The following SAMD3 variants were observed in gnomAD, a reference collection of about 807,000 sequenced individuals.
The protein encoded by SAMD3 is sterile alpha motif domain containing 3.
A neutral mutation model predicts 58.5 loss-of-function variants in SAMD3; 63 were observed. The ratio of observed to expected loss-of-function variants is 1.08; its 90% CI spans 0.88 to 1.33. The LOEUF is 1.33. SAMD3 is among the 40% of genes most tolerant of loss of function. The pLI is 0.00. For missense variants in SAMD3, 604 were observed against 608.4 expected (o/e 0.99, Z 0.08); for synonymous variants, 220 against 210.3 (o/e 1.05, Z -0.40).
chr6:130,283,539 T>A (rs913246365), intron 2 of SAMD3, among the ~76,000 whole-genome samples: 1 of 152,182 alleles, frequency 6.6e-6, no homozygotes, highest in Non-Finnish European at 1.5e-5. Context: ...ACAAAAATTA[T>A]GCTGTCACAT....
chr6:130,329,043 C>CCTCT lies in SAMD3; in HGVS notation c.-303-15954_-303-15951dup, dbSNP rs10679349. On this transcript the variant is annotated intron_variant, in intron 1 of 13. Transcript: ENST00000368134. ...GTGTAGACCAATATCTCTCTCTCTCCCTCTCTCTCTCTCTCTCTCTCTTAT... is the reference window on the plus strand; with the variant it reads ...GTGTAGACCAATATCTCTCTCTCTCCCTCTCTCTCTCTCTCTCTCTCTCTCTTAT... Among the ~76,000 whole-genome samples the CCTCT allele has an allele frequency of 3.9e-3, 568 of 147,072 alleles. 4 individuals are homozygous for CCTCT. The highest frequency in any genetic ancestry group is 0.012 in the African/African-American group (486 of 40,242).
chr6:130,186,767 A>ATTTTTTTTTTTTTTTTTTT (rs35592601), intron 5 of SAMD3, among the ~76,000 whole-genome samples: 1 of 107,036 alleles, frequency 9.3e-6, no homozygotes, highest in Non-Finnish European at 1.8e-5. Flanking sequence ...CCTTCCTGGG[A>ATTTTTTTTTTTTTTTTTTT]TTTTTTTTTT....
chr6:130,294,909 A>ATTTTTTTTT lies in SAMD3; in HGVS notation c.-188+18060_-188+18068dup, dbSNP rs774036634. 5.3e-4 allele frequency among the ~76,000 whole-genome samples: 30 copies of ATTTTTTTTT among 56,164 alleles called. 1 individual carries two copies. The highest frequency in any genetic ancestry group is 8.1e-4 in the East Asian group (2 of 2,464). 36.8% of individuals were successfully genotyped at this position (56,164 alleles called of 152,430 possible). A position where few individuals can be genotyped will look rare whatever the true frequency, so the allele number is the denominator to read the frequency against. Reference sequence around the variant, plus strand: ...TCTAATTTTTCCATACATTTCTCTGATTTTTTTTTTTTTTTTTTTTTTTTT... The same window carrying ATTTTTTTTT: ...TCTAATTTTTCCATACATTTCTCTGATTTTTTTTTTTTTTTTTTTTTTTTTTTTTTTTTT... On this transcript the variant is annotated intron_variant, in intron 2 of 13. Coordinates refer to the SAMD3 transcript ENST00000368134.
chr6:130,269,077 A>C (rs778114267), intron 2 of SAMD3, among the ~76,000 whole-genome samples: 11 of 152,126 alleles, frequency 7.2e-5, no homozygotes, highest in Non-Finnish European at 1.0e-4. Context: ...TTATTCTTAA[A>C]TTCTTATACT....
intron 2 of SAMD3, among the ~76,000 whole-genome samples, chr6:130,263,429 C>T (rs1009032250): frequency 3.6e-4 from 55 of 152,098 alleles, no homozygotes; most frequent in African/African-American, 1.3e-3. Flanking sequence ...GAGCCAGCCT[C>T]AGAAGGACCC....
intron 1 of SAMD3, among the ~76,000 whole-genome samples, chr6:130,337,047 C>G (rs1439445177): frequency 6.6e-6 from 1 of 152,156 alleles, no homozygotes; most frequent in African/African-American, 2.4e-5. Context: ...TCAGCAGTAC[C>G]GTTTGCACTG....
In SAMD3 at chr6:130,311,532, G is replaced by A. The variant is rs1352133583; in HGVS notation, c.-188+1446C>T. 2.6e-5 allele frequency among the ~76,000 whole-genome samples: 4 copies of A among 152,138 alleles called. No homozygotes were observed. In the East Asian group the frequency reaches 5.8e-4, roughly 22 times the overall value. On this transcript the variant is annotated intron_variant, in intron 2 of 13. Coordinates refer to the SAMD3 transcript ENST00000368134. ...TTTAAAAAACTGACTGAGACTAAGAGTAAAGGGAATACCTGAAGTGTTGAA... is the reference window on the plus strand; with the variant it reads ...TTTAAAAAACTGACTGAGACTAAGAATAAAGGGAATACCTGAAGTGTTGAA...
chr6:130,358,414 T>C (rs1350224890), intron 1 of SAMD3, among the ~76,000 whole-genome samples: 1 of 152,164 alleles, frequency 6.6e-6, no homozygotes, highest in Non-Finnish European at 1.5e-5. Context: ...GAAATCCAGT[T>C]TTTAAATTTG....
At chr6:130,308,530 C>A (rs982897627) in intron 2 of SAMD3, among the ~76,000 whole-genome samples, 1 of 151,568 alleles carries the variant, frequency 6.6e-6, no homozygotes, top group South Asian at 2.1e-4. Flanking sequence ...TAGCATAATA[C>A]CCAATTTTGA....
At chr6:130,273,826 A>C (rs1339476174) in intron 2 of SAMD3, among the ~76,000 whole-genome samples, 1 of 152,154 alleles carries the variant, frequency 6.6e-6, no homozygotes, top group Non-Finnish European at 1.5e-5. Flanking sequence ...TATTGATGTC[A>C]AAATTTGTAT....
At chr6:130,314,388 T>C (rs2024972) in intron 1 of SAMD3, among the ~76,000 whole-genome samples, 64,724 of 152,012 alleles carry the variant, frequency 0.43, 15,397 homozygotes, top group African/African-American at 0.64. Context: ...AAATTTCAAA[T>C]AGACACCTAT....
chr6:130,211,276 AT>A lies in SAMD3; in HGVS notation c.270-1669del, dbSNP rs762531402. ...TTCTTTCAATCAATTGCCAATCAGA[AT>A]TTTTTTTTTTTTTTTTTTTTTTCTG... On this transcript the variant is annotated intron_variant, in intron 4 of 11. Transcript: ENST00000439090. Among the ~76,000 whole-genome samples the A allele has an allele frequency of 5.5e-3, 517 of 93,804 alleles. 1 individual carries two copies. The highest frequency in any genetic ancestry group is 0.039 in the East Asian group (161 of 4,158). The allele number at this position is 93,804 out of a possible 152,430, so 61.5% of individuals were successfully genotyped here.
intron 2 of SAMD3, among the ~76,000 whole-genome samples, chr6:130,242,430 A>T (rs1773391372): frequency 6.6e-6 from 1 of 152,254 alleles, no homozygotes; most frequent in Admixed American, 6.5e-5. Context: ...ATACACGAAA[A>T]GTTCTTGTTT....
At chr6:130,194,290 G>C (rs1793867624) in intron 5 of SAMD3, among the ~76,000 whole-genome samples, 1 of 152,156 alleles carries the variant, frequency 6.6e-6, no homozygotes, top group Non-Finnish European at 1.5e-5. Context: ...CCAGTTCATG[G>C]CTTGTTCGGT....
Position 130,228,837 on chromosome 6 carries a change from T to G in SAMD3, c.-187-6024A>C, listed in dbSNP as rs1037382055. On this transcript the variant is annotated intron_variant, in intron 2 of 13. Coordinates refer to the SAMD3 transcript ENST00000368134. ...GGATCATTCCCAAGCCCACATTCCT[T>G]CTTCCTCACTGCCACCTCTCTCCCA... Among the ~76,000 whole-genome samples, 4 of 152,200 alleles carry G rather than the reference T, an allele frequency of 2.6e-5. No homozygotes were observed. In the South Asian group the frequency reaches 8.3e-4, roughly 32 times the overall value.
chr6:130,288,769 G>T (rs956885564), intron 2 of SAMD3, among the ~76,000 whole-genome samples: 1 of 152,184 alleles, frequency 6.6e-6, no homozygotes, highest in African/African-American at 2.4e-5. Context: ...TAGGTGAGTG[G>T]GAGAGTAGTT....
At position 130,214,381 on chromosome 6, in the gene SAMD3, GTT is replaced by G. The variant is rs1378691663; in HGVS notation, c.223_224del (p.Asn75ProfsTer19). The G allele has an allele frequency of 2.5e-6, 4 of 1,608,798 alleles. No homozygotes were observed. In the African/African-American group the frequency reaches 5.4e-5, roughly 22 times the overall value. On this transcript the variant is annotated frameshift_variant, in exon 4 of 12. Coordinates refer to ENST00000439090, the MANE Select transcript of SAMD3 (RefSeq NM_001017373.4). LOFTEE classifies it high-confidence loss of function. ...QNTQGLKSPE[N>X]PKKAALVMQT... ...GCATGACCAGGGCTGCCTTTTTGGG[GTT>G]TTCTGGGGACTTCAGTCCTTGAGTG...
chr6:130,174,799 T>C (rs1791574930), intron 8 of SAMD3, among the ~76,000 whole-genome samples: 1 of 152,268 alleles, frequency 6.6e-6, no homozygotes, highest in Non-Finnish European at 1.5e-5. Context: ...TTATCTTGAC[T>C]GACCTATTAT....
At position 130,184,193 on chromosome 6, in the gene SAMD3, C is replaced by T. The variant is rs1466376109; in HGVS notation, c.570-6G>A. 2 of 1,600,098 alleles carry T rather than the reference C, an allele frequency of 1.2e-6. No homozygotes were observed. The highest frequency in any genetic ancestry group is 1.1e-5 in the South Asian group (1 of 89,990). ...ACTGCTGGGTGCTGGGGTACCTGTT[C>T]ACCAAAACAAGGAGGATATGTTTCA... is the stretch of plus-strand genomic sequence containing the variant. On this transcript the variant is annotated splice_polypyrimidine_tract_variant and splice_region_variant and intron_variant, in intron 6 of 11. Coordinates refer to ENST00000439090, the MANE Select transcript of SAMD3 (RefSeq NM_001017373.4).
Sources: gnomAD v4.1 joint callset for allele counts (sites outside exome capture counted in the v4.1 genomes callset) on GRCh38, gnomAD v4.1.1 for gene constraint, MANE v1.5 for transcripts, NCBI Gene and HGNC (gene_info 2026-07-23, HGNC 2026-07-21) for gene names.